ZP2: variants seen among roughly 807,000 people sequenced by gnomAD.
ZP2 encodes the protein zona pellucida sperm-binding protein 2.
ZP2 carries 51 observed loss-of-function variants against 84.0 expected under a neutral mutation model. That is an observed-to-expected ratio of 0.61 (90% confidence interval 0.49 to 0.77). The LOEUF is 0.77. ZP2 is among the 30% of genes least tolerant of loss of function. ZP2 has a pLI of 0.00. For missense variants in ZP2, 909 were observed against 911.9 expected (o/e 1.00, Z 0.04); for synonymous variants, 375 against 330.9 (o/e 1.13, Z -1.45).
chr16:21,203,103 G>A (rs1401333432), intron 10 of ZP2, 22 bp downstream of exon 10: 1 of 1,607,196 alleles, frequency 6.2e-7, no homozygotes, highest in East Asian at 2.2e-5. Context: ...GGTAGAACAT[G>A]ATTTTAATAA....
At chr16:21,201,603 T>C (rs375630162) in intron 13 of ZP2, 45 bp from the exon 14 acceptor site, 2 of 1,603,798 alleles carry the variant, frequency 1.2e-6, no homozygotes, top group East Asian at 4.5e-5. Context: ...GCAACACAGA[T>C]TCATAGGTCA....
At chr16:21,198,493 A>T (rs986807727) in intron 17 of ZP2, among the ~76,000 whole-genome samples, 3 of 152,224 alleles carry the variant, frequency 2.0e-5, no homozygotes, top group Non-Finnish European at 4.4e-5. Flanking sequence ...AGGTAGAGCC[A>T]CGTGGAATCC....
chr16:21,205,940 T>G, intron 5 of ZP2, 165 bp from the exon 6 acceptor site: 1 of 665,170 alleles, frequency 1.5e-6, no homozygotes, highest in Admixed American at 2.5e-5. Flanking sequence ...TATACTTCTT[T>G]GAACTTCTGA....
upstream of ZP2, among the ~76,000 whole-genome samples, chr16:21,213,594 C>A (rs898316035): frequency 6.6e-6 from 1 of 152,140 alleles, no homozygotes; most frequent in Non-Finnish European, 1.5e-5. Flanking sequence ...ATTTACTTAA[C>A]GAGCACCACA....
intron 11 of ZP2, 23 bp downstream of exon 11, chr16:21,202,081 T>C (rs1265291959): frequency 6.2e-7 from 1 of 1,613,278 alleles, no homozygotes; most frequent in Admixed American, 1.7e-5. Context: ...AGACTTAACC[T>C]CGTGCCATCT....
chr16:21,206,005 A>G (rs2093247945), intron 5 of ZP2: 1 of 556,152 alleles, frequency 1.8e-6, no homozygotes, highest in African/African-American at 1.9e-5. Context: ...GTTGGGACAC[A>G]TTTCTCCCCC....
rs544703618 is a variant in ZP2 at position 21,211,554 on chromosome 16, A to G, written c.-7T>C. The stretch of plus-strand genomic sequence containing the variant: ...CTCTCTGCCTGCACGCCATAGCAGA[A>G]GACACTACCAGATCAACCAGGTAGA... On this transcript the variant is annotated 5_prime_UTR_variant, in exon 1 of 19. Transcript: ENST00000574091. 16 of 1,614,144 alleles carry G rather than the reference A, an allele frequency of 9.9e-6. No individual in the cohort carries two copies. Among genetic ancestry groups the G allele is most frequent in the African/African-American group, 2.7e-5 (2 of 75,060 alleles).
chr16:21,211,202 G>T, intron 2 of ZP2, 105 bp downstream of exon 2: 1 of 937,374 alleles, frequency 1.1e-6, no homozygotes, highest in Non-Finnish European at 1.7e-6. Flanking sequence ...TAAAGGGGGT[G>T]AATGGAGGTT....
At chr16:21,209,956 G>A (rs2093266930) in intron 3 of ZP2, 153 bp downstream of exon 3, 2 of 735,744 alleles carry the variant, frequency 2.7e-6, no homozygotes, top group African/African-American at 1.8e-5. Flanking sequence ...TCCATGCTGG[G>A]TGGCTTCATG....
chr16:21,207,021 T>G (rs1205786246), intron 4 of ZP2, 31 bp from the exon 5 acceptor site: 1 of 1,612,884 alleles, frequency 6.2e-7, no homozygotes. Flanking sequence ...GGGAACAGAG[T>G]AAGTACTGTA....
chr16:21,213,410 C>T (rs1287562929), upstream of ZP2, among the ~76,000 whole-genome samples: 2 of 152,206 alleles, frequency 1.3e-5, no homozygotes, highest in African/African-American at 2.4e-5. Context: ...TGTATTGATT[C>T]ATGTGTTGCC....
At chr16:21,207,810 T>C (rs1160938082) in intron 4 of ZP2, among the ~76,000 whole-genome samples, 1 of 152,034 alleles carries the variant, frequency 6.6e-6, no homozygotes, top group Non-Finnish European at 1.5e-5. Context: ...GAGCCGAGAT[T>C]ATGCCACTGC....
At chr16:21,211,660 C>T (rs1375297194), upstream of ZP2, 1 of 1,589,160 alleles carries the variant, frequency 6.3e-7, no homozygotes, top group Non-Finnish European at 8.5e-7. Flanking sequence ...TGAATCTTGT[C>T]CCATTCTCCC....
chr16:21,197,510 CA>C lies in ZP2; in HGVS notation c.2207del (p.Leu736ArgfsTer16). On this transcript the variant is annotated frameshift_variant, in exon 19 of 19. Coordinates refer to ENST00000574091, the MANE Select transcript of ZP2 (RefSeq NM_001376232.1). LOFTEE classifies it high-confidence loss of function. ...VVATLGFIYY[L>X]YEKRTVSNH ...GATTTGACACAGTCCTTTTCTCGTA[CA>C]GGTAGTAGATGAAGCCTAGAGTTGC... 1 of 1,614,138 alleles carries C rather than the reference CA, an allele frequency of 6.2e-7. No individual in the cohort carries two copies. Among genetic ancestry groups the C allele is most frequent in the Non-Finnish European group, 8.5e-7 (1 of 1,180,020 alleles).
intron 9 of ZP2, 47 bp from the exon 10 acceptor site, chr16:21,203,298 G>A (rs375985831): frequency 8.9e-5 from 143 of 1,606,004 alleles, no homozygotes; most frequent in Non-Finnish European, 1.1e-4. Flanking sequence ...GTTGGGGCCC[G>A]GAACCGTCAC....
At chr16:21,197,975 G>T in intron 17 of ZP2, 126 bp from the exon 18 acceptor site, 1 of 840,018 alleles carries the variant, frequency 1.2e-6, no homozygotes, top group Non-Finnish European at 2.0e-6. Flanking sequence ...GTGTTAACAG[G>T]CACAAACTAA....
In ZP2 at chr16:21,202,109, A is replaced by T; in HGVS notation, c.1282T>A (p.Tyr428Asn). 1 of 1,613,238 alleles carries T rather than the reference A, an allele frequency of 6.2e-7. No homozygotes were observed. The highest frequency in any genetic ancestry group is 1.7e-4 in the Middle Eastern group (1 of 6,056). Residue 428 changes from tyrosine (Y) to asparagine (N), a missense_variant, in exon 11 of 19, where the codon TAT becomes AAT. By Grantham distance (143) the Tyr-to-Asn change is moderately radical (BLOSUM62 -2). Transcript: ENST00000574091. ...TGCCATCTGCCAGTACTAACCTTAT[A>T]TCTCGTTCCACATCCATTCAGGGGT... ...HIPLNGCGTRYKFEDDKVVYE... is the reference protein window; with the variant it reads ...HIPLNGCGTRNKFEDDKVVYE...
At position 21,202,173 on chromosome 16, in the gene ZP2, G is replaced by T. The variant is rs2093229234; in HGVS notation, c.1218C>A (p.Val406=). The T allele has an allele frequency of 1.9e-6, 3 of 1,602,548 alleles. No homozygotes were observed. Among genetic ancestry groups the T allele is most frequent in the Non-Finnish European group, 2.5e-6 (3 of 1,177,402 alleles). Residue 406 remains valine (V), a synonymous_variant, in exon 11 of 19, where the codon GTC becomes GTA. Coordinates refer to ENST00000574091, the MANE Select transcript of ZP2 (RefSeq NM_001376232.1). ...LRVGNSSCQP[V]FEAQSQGLVR... is the part of the protein sequence containing the mutation. ...CCAGCCCCTGAGACTGAGCCTCAAA[G>T]ACAGGCTGGCAGGATGAGTTTCCCA...
chr16:21,211,228 G>T, intron 2 of ZP2, 79 bp downstream of exon 2: 2 of 1,269,784 alleles, frequency 1.6e-6, no homozygotes, highest in Non-Finnish European at 2.3e-6. Context: ...AGCCAGGCCT[G>T]TGTTTCTTGG....
Sources: allele counts gnomAD v4.1 joint callset (sites outside exome capture counted in the v4.1 genomes callset), GRCh38; gene constraint gnomAD v4.1.1; transcripts MANE v1.5; gene names NCBI Gene and HGNC (gene_info 2026-07-23, HGNC 2026-07-21).